Variants in MYO7B observed in about 807,000 individuals in gnomAD.
MYO7B encodes the protein myosin VIIB, also known as unconventional myosin-VIIb.
A neutral mutation model predicts 259.7 loss-of-function variants in MYO7B; 212 were observed. The ratio of observed to expected loss-of-function variants is 0.82; its 90% confidence interval spans 0.73 to 0.91. The LOEUF is 0.91. Among genes scored for constraint, MYO7B ranks in the 40% least tolerant of loss-of-function variants. The pLI is 0.00. For synonymous variants in MYO7B, 1,197 were observed against 1,166.4 expected (o/e 1.03, Z -0.54); for missense variants, 2,732 against 2,813.5 (o/e 0.97, Z 0.66).
At position 127,592,874 on chromosome 2, in the gene MYO7B, C is replaced by T; in HGVS notation, c.2073C>T (p.Phe691=). Residue 691 remains phenylalanine (F), a synonymous_variant, in exon 17 of 48, where the codon TTC becomes TTT. Transcript: ENST00000409816. ...METVHIRKSG[F]PIRYTFEEFS... Reference sequence around the variant, plus strand: ...CCGTGCACATCCGCAAGTCGGGCTTCCCCATCCGCTACACGTTCGAGGAGT... The same window carrying T: ...CCGTGCACATCCGCAAGTCGGGCTTTCCCATCCGCTACACGTTCGAGGAGT... 2.5e-6 allele frequency: 4 copies of T among 1,610,150 alleles called. No homozygotes were observed. The highest frequency in any genetic ancestry group is 3.4e-6 in the Non-Finnish European group (4 of 1,178,718).
In MYO7B at chr2:127,607,501, G is replaced by A; in HGVS notation, c.2643+77G>A. 1.5e-6 allele frequency: 2 copies of A among 1,296,030 alleles called. No individual in the cohort carries two copies. The highest frequency in any genetic ancestry group is 2.5e-5 in the East Asian group (1 of 39,754). The allele number at this position is 1,296,030 out of a possible 1,614,324, so 80.3% of individuals were successfully genotyped here. On this transcript the variant is annotated intron_variant, in intron 21 of 47. Coordinates refer to ENST00000409816, the MANE Select transcript of MYO7B (RefSeq NM_001393586.1). The surrounding 1 kb of genome is among the most constrained non-coding windows in gnomAD (Gnocchi z 4.4). The stretch of plus-strand genomic sequence containing the variant: ...GGGTGAGGGCAAGAAGGAGTGAGCG[G>A]CTGTGTAGAGAGCTCACCAGAAGCG...
chr2:127,608,715 T>C lies in MYO7B; in HGVS notation c.2651T>C (p.Leu884Pro), dbSNP rs770311562. The C allele has an allele frequency of 6.2e-7, 1 of 1,611,336 alleles. No individual in the cohort carries two copies. Among genetic ancestry groups the C allele is most frequent in the Non-Finnish European group, 8.5e-7 (1 of 1,178,468 alleles). ...NFQQRKANAP[L>P]VIPAEGQKSQ... Reference sequence around the variant, plus strand: ...CCTCCACGGGGTATGCAGGCGCCGCTGGTCATCCCGGCCGAGGGGCAGAAA... The same window carrying C: ...CCTCCACGGGGTATGCAGGCGCCGCCGGTCATCCCGGCCGAGGGGCAGAAA... The change falls in exon 22 of 48, where the codon CTG becomes CCG. Residue 884 changes from leucine to proline, a missense_variant. This residue lies in a region of MYO7B where 1,906 missense variants were observed against 2,026.4 expected (regional missense o/e 0.94). Transcript: ENST00000409816.
At chr2:127,552,970 C>T (rs2104825734) in intron 1 of MYO7B, among the ~76,000 whole-genome samples, 1 of 152,310 alleles carries the variant, frequency 6.6e-6, no homozygotes, top group Middle Eastern at 3.4e-3. Context: ...TGCATAGCCT[C>T]TGCAAAGTCT....
rs909415422 is a variant in MYO7B at position 127,611,747 on chromosome 2, T to C, written c.3193-503T>C. Among the ~76,000 whole-genome samples, 1 of 152,166 alleles carries C rather than the reference T, an allele frequency of 6.6e-6. No individual in the cohort carries two copies. Among genetic ancestry groups the C allele is most frequent in the Non-Finnish European group, 1.5e-5 (1 of 68,006 alleles). ...TCTGCCTAAGGAGAGCAACAGATCG[T>C]AGTGGCTGCAGCCAGTCCCTCCCTC... On this transcript the variant is annotated intron_variant, in intron 24 of 47. Coordinates refer to ENST00000409816, the MANE Select transcript of MYO7B (RefSeq NM_001393586.1). This position sits in a 1 kb window ranked among gnomAD's most constrained non-coding sequence, Gnocchi z 5.4.
intron 28 of MYO7B, 74 bp downstream of exon 28, chr2:127,622,175 G>T (rs1680872572): frequency 6.8e-7 from 1 of 1,478,022 alleles, no homozygotes; most frequent in African/African-American, 1.4e-5. Context: ...CACAGCTCAT[G>T]GGGTGCCTTC....
chr2:127,585,030 A>T lies in MYO7B; in HGVS notation c.1690+117A>T, dbSNP rs1053961861. 10 of 1,310,818 alleles carry T rather than the reference A, an allele frequency of 7.6e-6. No individual in the cohort carries two copies. The Admixed American group carries it at 8.0e-5, about 11-fold the overall frequency. 81.2% of individuals were successfully genotyped at this position (1,310,818 alleles called of 1,614,324 possible). A position where few individuals can be genotyped will look rare whatever the true frequency, so the allele number is the denominator to read the frequency against. On this transcript the variant is annotated intron_variant, in intron 14 of 47. Transcript: ENST00000409816. This position sits in a 1 kb window ranked among gnomAD's most constrained non-coding sequence, Gnocchi z 4.3. ...GCAGCTCTAGCAATGGGGCAGAGGG[A>T]TGAGTAGTATGGCTTCTACTGGAGA...
rs1246543021 is a variant in MYO7B, at chr2:127,569,771, T to A, written c.471-18T>A. The A allele has an allele frequency of 6.2e-7, 1 of 1,606,206 alleles. No homozygotes were observed. The highest frequency in any genetic ancestry group is 8.5e-7 in the Non-Finnish European group (1 of 1,174,588). On this transcript the variant is annotated intron_variant, in intron 5 of 47. Transcript: ENST00000409816. ...TAGTCGTTTTGTGGCATCATGTCCC[T>A]GCACACCCTTTTTGCAGCGGCGAGT...
chr2:127,573,775 G>T (rs1558808548), intron 6 of MYO7B, 145 bp from the exon 7 acceptor site: 2 of 1,083,496 alleles, frequency 1.8e-6, no homozygotes, highest in Non-Finnish European at 2.6e-6. Context: ...CGGGCGCTTG[G>T]CTTCCGTCAC....
In MYO7B at chr2:127,591,608, C is replaced by T. The variant is rs371558366; in HGVS notation, c.1993-1186C>T. On this transcript the variant is annotated intron_variant, in intron 16 of 47. Coordinates refer to ENST00000409816, the MANE Select transcript of MYO7B (RefSeq NM_001393586.1). ...AGTGAAGCGCAGCTAAACACTTACC[C>T]GAGGCTAAGCTCAGTGTGGCCTGGA... Among the ~76,000 whole-genome samples the T allele has an allele frequency of 2.2e-4, 34 of 152,338 alleles. 1 individual carries two copies. In the South Asian group the frequency reaches 6.8e-3, roughly 31 times the overall value.
chr2:127,568,362 A>G (rs1441470367), intron 5 of MYO7B, among the ~76,000 whole-genome samples: 2 of 152,338 alleles, frequency 1.3e-5, no homozygotes, highest in Middle Eastern at 3.4e-3. Context: ...GCAGAATGTC[A>G]CTTGTCACTT....
In MYO7B at chr2:127,584,178, A is replaced by G. The variant is rs753126459; in HGVS notation, c.1400A>G (p.Gln467Arg). 5 of 1,614,016 alleles carry G rather than the reference A, an allele frequency of 3.1e-6. No homozygotes were observed. Among genetic ancestry groups the G allele is most frequent in the Non-Finnish European group, 4.2e-6 (5 of 1,179,902 alleles). ...ANEHLQQFFV[Q>R]HVFTMEQEEY... ...GAGCACCTGCAGCAGTTCTTTGTGC[A>G]GCACGTGTTCACCATGGAGCAAGAG... The change falls in exon 13 of 48, where the codon CAG becomes CGG. Residue 467 changes from glutamine (Q) to arginine (R), a missense_variant. Physicochemically the swap from Gln to Arg is conservative, Grantham distance 43. Transcript: ENST00000409816. The surrounding 1 kb of genome is among the most constrained non-coding windows in gnomAD (Gnocchi z 5.8).
rs1402706101 is a variant in MYO7B, at chr2:127,607,295, G to A, written c.2514G>A (p.Gln838=). ...QYQAMRQRTV[Q]LQALCRGYLV... is the part of the protein sequence containing the mutation. ...AGGCCATGCGGCAGAGGACAGTCCAGCTGCAGGCCCTGTGCAGGGGATACC... is the reference window on the plus strand; with the variant it reads ...AGGCCATGCGGCAGAGGACAGTCCAACTGCAGGCCCTGTGCAGGGGATACC... The change falls in exon 21 of 48, where the codon CAG becomes CAA. Residue 838 remains glutamine (Q), a synonymous_variant. Transcript: ENST00000409816. This position sits in a 1 kb window ranked among gnomAD's most constrained non-coding sequence, Gnocchi z 4.4. 1 of 1,551,242 alleles carries A rather than the reference G, an allele frequency of 6.4e-7. No homozygotes were observed. The highest frequency in any genetic ancestry group is 1.4e-5 in the African/African-American group (1 of 73,076).
chr2:127,609,686 C>T lies in MYO7B; in HGVS notation c.2995C>T (p.Leu999Phe). Residue 999 changes from leucine (L) to phenylalanine (F), a missense_variant, in exon 23 of 48, where the codon CTT becomes TTT. Transcript: ENST00000409816. This position sits in a 1 kb window ranked among gnomAD's most constrained non-coding sequence, Gnocchi z 6.9. Reference sequence around the variant, plus strand: ...CCGGCGGCCCCTCCGATACCCGTTGCTTTACCACGAAGATGACACTGACTG... The same window carrying T: ...CCGGCGGCCCCTCCGATACCCGTTGTTTTACCACGAAGATGACACTGACTG... Reference protein sequence around the residue: ...HIRRPLRYPLLYHEDDTDCLA... With the variant: ...HIRRPLRYPLFYHEDDTDCLA... 6.2e-7 allele frequency: 1 copy of T among 1,613,870 alleles called. No homozygotes were observed. Among genetic ancestry groups the T allele is most frequent in the East Asian group, 2.2e-5 (1 of 44,902 alleles).
rs749374797 is a variant in MYO7B, at chr2:127,636,895, G to A, written c.6309G>A (p.Leu2103=). The A allele has an allele frequency of 1.2e-6, 2 of 1,613,036 alleles. No homozygotes were observed. The highest frequency in any genetic ancestry group is 8.5e-7 in the Non-Finnish European group (1 of 1,179,868). ...ALGSLGRGSR[L]LCETSLGYKM... ...GGAGCCTGGGCCGTGGCAGCCGCCT[G>A]CTGTGCGAGACCTCCCTGGTGAGCT... The change falls in exon 47 of 48, where the codon CTG becomes CTA. Residue 2103 remains leucine (L), a synonymous_variant. Coordinates refer to ENST00000409816, the MANE Select transcript of MYO7B (RefSeq NM_001393586.1). The surrounding 1 kb of genome is among the most constrained non-coding windows in gnomAD (Gnocchi z 4.5).
rs1292180610 is a variant in MYO7B, at chr2:127,628,382, G to A, written c.4471G>A (p.Gly1491Ser). ...MGLATNREAQ[G>S]GQRLLLSTMH... ...GTCCTTCATCTCCAGGGAGGCCCAG[G>A]GCGGGCAGAGGCTGCTGCTCTCCAC... The change falls in exon 34 of 48, where the codon GGC (glycine) becomes AGC (serine). Residue 1491 changes from glycine to serine, a missense_variant. Gly to Ser is a moderately conservative substitution (Grantham distance 56). This residue lies in a region of MYO7B where 1,906 missense variants were observed against 2,026.4 expected (regional missense o/e 0.94). Coordinates refer to ENST00000409816, the MANE Select transcript of MYO7B (RefSeq NM_001393586.1). The surrounding 1 kb of genome is among the most constrained non-coding windows in gnomAD (Gnocchi z 4.8). The A allele has an allele frequency of 6.2e-7, 1 of 1,600,586 alleles. No homozygotes were observed. The highest frequency in any genetic ancestry group is 8.5e-7 in the Non-Finnish European group (1 of 1,175,794).
At chr2:127,587,568 CTTTTTTTT>C (rs61624532) in intron 14 of MYO7B, among the ~76,000 whole-genome samples, 1 of 122,430 alleles carries the variant, frequency 8.2e-6, no homozygotes, top group Non-Finnish European at 1.7e-5. Context: ...TTCTTTCTTT[CTTTTTTTT>C]TTTTTTTTTT....
At chr2:127,617,499 T>TGG (rs1680620363) in intron 26 of MYO7B, among the ~76,000 whole-genome samples, 2 of 131,528 alleles carry the variant, frequency 1.5e-5, no homozygotes, top group African/African-American at 5.9e-5. Context: ...TTTTTTTTTT[T>TGG]TTTTTTTTTT....
Position 127,629,752 on chromosome 2 carries a change from G to A in MYO7B, c.4732G>A (p.Gly1578Ser), listed in dbSNP as rs1362880987. 6.2e-7 allele frequency: 1 copy of A among 1,611,450 alleles called. No individual in the cohort carries two copies. Among genetic ancestry groups the A allele is most frequent in the Non-Finnish European group, 8.5e-7 (1 of 1,178,990 alleles). Residue 1578 changes from glycine to serine, a missense_variant, in exon 35 of 48, where the codon GGC becomes AGC. Transcript: ENST00000409816. ...NWTLGQNDRT[G>S]KTGLVPMACL... is the part of the protein sequence containing the mutation. ...GACCCTCGGCCAGAACGACAGGACAGGCAAGACGGGGCTGGTGCCCATGGC... is the reference window on the plus strand; with the variant it reads ...GACCCTCGGCCAGAACGACAGGACAAGCAAGACGGGGCTGGTGCCCATGGC...
chr2:127,592,920 T>C lies in MYO7B; in HGVS notation c.2119T>C (p.Leu707=), dbSNP rs1156486421. 6.2e-7 allele frequency: 1 copy of C among 1,602,756 alleles called. No individual in the cohort carries two copies. The highest frequency in any genetic ancestry group is 8.5e-7 in the Non-Finnish European group (1 of 1,175,378). Residue 707 remains leucine (L), a synonymous_variant, in exon 17 of 48, where the codon TTG becomes CTG. Coordinates refer to ENST00000409816, the MANE Select transcript of MYO7B (RefSeq NM_001393586.1). The stretch of plus-strand genomic sequence containing the variant: ...GGAGTTCTCGCAGAGGTTCGGCGTG[T>C]TGCTGCCCAACGCCATGCGGATGCA... The part of the protein sequence containing the change: ...FEEFSQRFGV[L]LPNAMRMQLQ...
Sources: gnomAD v4.1 joint callset for allele counts (sites outside exome capture counted in the v4.1 genomes callset) on GRCh38, gnomAD v4.1.1 for gene constraint, gnomAD v4.1.1 regional missense constraint, Gnocchi (gnomAD v3.1) non-coding constraint, MANE v1.5 for transcripts, NCBI Gene and HGNC (gene_info 2026-07-23, HGNC 2026-07-21) for gene names.